The following B4GALT4 variants were observed in gnomAD, a reference collection of about 807,000 sequenced individuals.
B4GALT4 encodes N-acetyllactosamine synthase.
B4GALT4 carries 27 observed loss-of-function variants against 37.3 expected under a neutral mutation model. The observed-to-expected ratio is 0.72, with a 90% CI of 0.53 to 1.00. The LOEUF is 1.00. B4GALT4 is among the 50% of genes least tolerant of loss of function. The pLI is 0.00. For synonymous variants in B4GALT4, 148 were observed against 154.1 expected (o/e 0.96, Z 0.29); for missense variants, 372 against 413.1 (o/e 0.90, Z 0.86).
At chr3:119,220,699 G>A (rs377722291) in intron 5 of B4GALT4, among the ~76,000 whole-genome samples, 14 of 152,282 alleles carry the variant, frequency 9.2e-5, no homozygotes, top group African/African-American at 3.4e-4. Context: ...AAGTCAGCAA[G>A]AAGGGTTAAA....
At chr3:119,225,787 A>C (rs1255144544) in intron 4 of B4GALT4, among the ~76,000 whole-genome samples, 1 of 152,236 alleles carries the variant, frequency 6.6e-6, no homozygotes, top group African/African-American at 2.4e-5. Context: ...GCAAGAACTC[A>C]GAATCAAATA....
chr3:119,226,070 CTCT>C (rs1476753012), intron 4 of B4GALT4, among the ~76,000 whole-genome samples: 1 of 152,164 alleles, frequency 6.6e-6, no homozygotes, highest in Non-Finnish European at 1.5e-5. Flanking sequence ...GGAATTATCC[CTCT>C]TCTTGGCCTC....
chr3:119,220,252 G>C (rs1282155606), intron 5 of B4GALT4, among the ~76,000 whole-genome samples: 1 of 152,224 alleles, frequency 6.6e-6, no homozygotes, highest in Non-Finnish European at 1.5e-5. Context: ...CATTACCATA[G>C]TTATCAGAAT....
chr3:119,225,265 CTTCA>C (rs1237309966), intron 4 of B4GALT4, among the ~76,000 whole-genome samples: 2 of 152,172 alleles, frequency 1.3e-5, no homozygotes, highest in Non-Finnish European at 2.9e-5. Flanking sequence ...TTCATGGCTG[CTTCA>C]TTCAAATTCC....
intron 4 of B4GALT4, among the ~76,000 whole-genome samples, chr3:119,225,326 T>C (rs1441583381): frequency 6.6e-6 from 1 of 152,214 alleles, no homozygotes; most frequent in Non-Finnish European, 1.5e-5. Flanking sequence ...AGTGCAAGTA[T>C]TTCTCAGAAG....
Position 119,212,400 on chromosome 3 carries a change from A to G in B4GALT4, c.*149T>C, listed in dbSNP as rs1007407224. 4 of 709,862 alleles carry G rather than the reference A, an allele frequency of 5.6e-6. No individual in the cohort carries two copies. The highest frequency in any genetic ancestry group is 5.7e-5 in the Admixed American group (2 of 35,254). The allele number at this position is 709,862 out of a possible 1,614,324, so 44.0% of individuals were successfully genotyped here. On this transcript the variant is annotated 3_prime_UTR_variant, in exon 8 of 8. Coordinates refer to ENST00000393765, the MANE Select transcript of B4GALT4 (RefSeq NM_003778.4). ...CTGTTTTATACTCTACATCACCAGG[A>G]GCTCTGCTAAGAAAATACAAAAAGG...
At chr3:119,213,166 G>A (rs545211536) in intron 7 of B4GALT4, 2 of 152,412 alleles carry the variant, frequency 1.3e-5, no homozygotes, top group South Asian at 4.1e-4. Context: ...GAGGTGTCAG[G>A]GAGAAGGAAA....
Position 119,212,542 on chromosome 3 carries a change from C to T in B4GALT4, c.*7G>A, listed in dbSNP as rs6784208. ...AGTTCTTCCAAACATCACCAAAAGA[C>T]CCAGGGTCATGCACCAAACCAGAAA... On this transcript the variant is annotated 3_prime_UTR_variant, in exon 8 of 8. Transcript: ENST00000393765. 1,501,096 of 1,583,688 alleles carry T rather than the reference C, an allele frequency of 0.95. 713,020 individuals carry two copies. The highest frequency in any genetic ancestry group is 1 in the East Asian group (44,614 of 44,632).
chr3:119,227,054 T>A lies in B4GALT4; in HGVS notation c.254-13A>T, dbSNP rs377577999. 110 of 1,608,766 alleles carry A rather than the reference T, an allele frequency of 6.8e-5. No homozygotes were observed. Among genetic ancestry groups the A allele is most frequent in the Non-Finnish European group, 8.8e-5 (103 of 1,175,470 alleles). On this transcript the variant is annotated splice_polypyrimidine_tract_variant and intron_variant, in intron 3 of 7. Transcript: ENST00000393765. ...TTGCTCTGGCCTCCTACAATGAACA[T>A]AGGACACAGACAATAACAGTAGCTA...
intron 5 of B4GALT4, among the ~76,000 whole-genome samples, chr3:119,221,901 A>G (rs1453924828): frequency 1.3e-5 from 2 of 152,238 alleles, no homozygotes; most frequent in Non-Finnish European, 2.9e-5. Context: ...TAGAATGGCA[A>G]GTTAGAAACA....
At chr3:119,214,010 G>T (rs1425593078) in intron 7 of B4GALT4, 1 of 152,138 alleles carries the variant, frequency 6.6e-6, no homozygotes, top group African/African-American at 2.4e-5. Flanking sequence ...GACTGCTTGA[G>T]CCCAGGAGTT....
chr3:119,238,961 G>A (rs965848135), intron 1 of B4GALT4, among the ~76,000 whole-genome samples: 9 of 152,164 alleles, frequency 5.9e-5, no homozygotes, highest in Non-Finnish European at 1.3e-4. Context: ...AGAACACTGT[G>A]GTCTGTGTTT....
chr3:119,239,356 G>A (rs6438510), intron 1 of B4GALT4, among the ~76,000 whole-genome samples: 104,859 of 150,200 alleles, frequency 0.7, 37,263 homozygotes, highest in African/African-American at 0.84. Context: ...TATTTTTATC[G>A]AGAACCTAGG....
intron 3 of B4GALT4, 149 bp downstream of exon 3, chr3:119,229,698 A>G: frequency 1.1e-6 from 1 of 891,346 alleles, no homozygotes; most frequent in Non-Finnish European, 1.6e-6. Flanking sequence ...TACATGTTAT[A>G]TTTATTTTAT....
rs544102413 is a variant in B4GALT4 at position 119,231,750 on chromosome 3, T to A, written c.-145-1506A>T. 4.3e-3 allele frequency among the ~76,000 whole-genome samples: 628 copies of A among 144,868 alleles called. 3 individuals are homozygous for A. Among genetic ancestry groups the A allele is most frequent in the African/African-American group, 0.015 (597 of 39,844 alleles). ...AATTTTTATTTTTATAAAATTTATT[T>A]TATAAATTTTATTTTATTTAATAAT... On this transcript the variant is annotated intron_variant, in intron 2 of 7. Transcript: ENST00000393765.
intron 4 of B4GALT4, among the ~76,000 whole-genome samples, chr3:119,226,326 T>C (rs1329306028): frequency 6.6e-6 from 1 of 152,156 alleles, no homozygotes; most frequent in Non-Finnish European, 1.5e-5. Flanking sequence ...TTTCACATAA[T>C]AAATAGTGGC....
At position 119,238,263 on chromosome 3, in the gene B4GALT4, T is replaced by TAAA. The variant is rs35361911; in HGVS notation, c.-363-1196_-363-1194dup. Among the ~76,000 whole-genome samples, 646 of 109,012 alleles carry TAAA rather than the reference T, an allele frequency of 5.9e-3. 8 individuals are homozygous for TAAA. The highest frequency in any genetic ancestry group is 0.022 in the African/African-American group (599 of 26,900). 71.5% of individuals were successfully genotyped at this position (109,012 alleles called of 152,430 possible). ...GCCTGGGCATCAGAGACCCTGTCTC[T>TAAA]AAAAAAAAAAAAAAAAAAAAGTATA... On this transcript the variant is annotated intron_variant, in intron 1 of 7. Coordinates refer to ENST00000393765, the MANE Select transcript of B4GALT4 (RefSeq NM_003778.4).
chr3:119,237,704 G>A (rs2079025072), intron 1 of B4GALT4, among the ~76,000 whole-genome samples: 1 of 152,224 alleles, frequency 6.6e-6, no homozygotes, highest in Admixed American at 6.5e-5. Context: ...ATGTGAAAAT[G>A]AGATTTTAAA....
At position 119,227,065 on chromosome 3, in the gene B4GALT4, C is replaced by A. The variant is rs751357910; in HGVS notation, c.254-24G>T. 6 of 1,599,200 alleles carry A rather than the reference C, an allele frequency of 3.8e-6. No individual in the cohort carries two copies. The East Asian group carries it at 8.9e-5, about 24-fold the overall frequency. On this transcript the variant is annotated intron_variant, in intron 3 of 7. Transcript: ENST00000393765. ...TCCTACAATGAACATAGGACACAGA[C>A]AATAACAGTAGCTACTTCAAAAAGT...
Sources: allele counts gnomAD v4.1 joint callset (sites outside exome capture counted in the v4.1 genomes callset), GRCh38; gene constraint gnomAD v4.1.1; transcripts MANE v1.5; gene names NCBI Gene and HGNC (gene_info 2026-07-23, HGNC 2026-07-21).